Variants in CHAF1A observed in about 807,000 individuals in gnomAD.
The protein encoded by CHAF1A is CAF-1 subunit A.
Under a neutral mutation model 93.2 loss-of-function variants are expected in CHAF1A, and 5 were observed. The observed-to-expected ratio is 0.05, with a 90% CI of 0.03 to 0.11. The LOEUF is 0.11. Ranked by LOEUF, CHAF1A falls within the 10% of genes least tolerant of loss-of-function variation. The pLI, the probability that CHAF1A is intolerant of heterozygous loss-of-function variation, is 1.00. For missense variants in CHAF1A, 1,102 were observed against 1,259.9 expected (o/e 0.87, Z 1.90); for synonymous variants, 504 against 510.3 (o/e 0.99, Z 0.17).
At chr19:4,432,277 G>A in intron 12 of CHAF1A, 70 bp downstream of exon 12, 1 of 1,501,880 alleles carries the variant, frequency 6.7e-7, no homozygotes, top group Non-Finnish European at 8.9e-7. Flanking sequence ...GAGGGCAAGA[G>A]TCACAGGCTA....
intron 1 of CHAF1A, 105 bp downstream of exon 1, chr19:4,402,919 C>T: frequency 1.5e-6 from 1 of 686,248 alleles, no homozygotes; most frequent in Non-Finnish European, 2.0e-6. Flanking sequence ...CAAGCCTGGT[C>T]CTGCGGGCCG....
intron 2 of CHAF1A, among the ~76,000 whole-genome samples, chr19:4,407,078 G>A (rs1317418082): frequency 1.3e-5 from 2 of 151,912 alleles, no homozygotes; most frequent in Non-Finnish European, 2.9e-5. Flanking sequence ...AAATAGCTGG[G>A]CATGGTAGGG....
At chr19:4,420,619 C>T (rs953447722) in intron 4 of CHAF1A, among the ~76,000 whole-genome samples, 2 of 152,134 alleles carry the variant, frequency 1.3e-5, no homozygotes, top group Admixed American at 6.6e-5. Context: ...GAATGAGGAA[C>T]GTAGTGATGA....
intron 7 of CHAF1A, 55 bp from the exon 8 acceptor site, chr19:4,428,609 G>A: frequency 6.8e-7 from 1 of 1,474,134 alleles, no homozygotes; most frequent in East Asian, 2.3e-5. Context: ...TGCGTCCATG[G>A]TGCCTCCTTT....
chr19:4,403,646 C>T (rs554461996), intron 1 of CHAF1A, among the ~76,000 whole-genome samples: 37 of 152,376 alleles, frequency 2.4e-4, no homozygotes, highest in African/African-American at 8.4e-4. Flanking sequence ...TGGCCTCCGC[C>T]TTTTGCAGGC....
chr19:4,409,843 T>C, intron 3 of CHAF1A, 84 bp downstream of exon 3: 1 of 1,491,092 alleles, frequency 6.7e-7, no homozygotes, highest in South Asian at 1.3e-5. Context: ...ACCCAGGTGT[T>C]TTGTGGCAGA....
Position 4,402,673 on chromosome 19 carries a change from C to G in CHAF1A, c.-90C>G. The stretch of plus-strand genomic sequence containing the variant: ...AGCGCGGCGGCCGCGGCGGCAGCAG[C>G]GGCGCGGGCGGGAGGGCGAAGAGCA... On this transcript the variant is annotated 5_prime_UTR_variant, in exon 1 of 15. Transcript: ENST00000301280. The G allele has an allele frequency of 3.4e-6, 3 of 871,708 alleles. No individual in the cohort carries two copies. Among genetic ancestry groups the G allele is most frequent in the Non-Finnish European group, 4.4e-6 (3 of 674,234 alleles). 54.0% of individuals were successfully genotyped at this position (871,708 alleles called of 1,614,324 possible). A position where few individuals can be genotyped will look rare whatever the true frequency, so the allele number is the denominator to read the frequency against.
At position 4,422,580 on chromosome 19, in the gene CHAF1A, G is replaced by GGGCAAGCAGCTC; in HGVS notation, c.1033_1044dup (p.Gly345_Leu348dup). On this transcript the variant is annotated inframe_insertion, in exon 5 of 15. Coordinates refer to ENST00000301280, the MANE Select transcript of CHAF1A (RefSeq NM_005483.3). This position sits in a 1 kb window ranked among gnomAD's most constrained non-coding sequence, Gnocchi z 4.6. ...CTGTCTTGTAGGATCAGGAGCGTCTGGGCAAGCAGCTCAAGTTACGTGCAG... is the reference window on the plus strand; with the variant it reads ...CTGTCTTGTAGGATCAGGAGCGTCTGGGCAAGCAGCTCGGCAAGCAGCTCAAGTTACGTGCAG... The GGGCAAGCAGCTC allele has an allele frequency of 6.4e-7, 1 of 1,567,810 alleles. No individual in the cohort carries two copies. The highest frequency in any genetic ancestry group is 8.6e-7 in the Non-Finnish European group (1 of 1,156,298).
Position 4,409,646 on chromosome 19 carries a change from A to G in CHAF1A, c.847A>G (p.Ser283Gly). The G allele has an allele frequency of 6.2e-7, 1 of 1,614,142 alleles. No individual in the cohort carries two copies. The highest frequency in any genetic ancestry group is 1.1e-5 in the South Asian group (1 of 91,074). Residue 283 changes from serine (S) to glycine (G), a missense_variant, in exon 3 of 15, where the codon AGC becomes GGC. Coordinates refer to ENST00000301280, the MANE Select transcript of CHAF1A (RefSeq NM_005483.3). ...ESFPEEDSVL[S>G]HSSLSSPSST... ...TTTCCCCGAAGAAGACTCTGTACTC[A>G]GCCATTCGTCCCTGAGCTCTCCCTC... is the stretch of plus-strand genomic sequence containing the variant.
chr19:4,446,378 G>T, downstream of CHAF1A: 1 of 1,576,762 alleles, frequency 6.3e-7, no homozygotes. Flanking sequence ...CATGGCCTTG[G>T]TCCGCAGCAC....
chr19:4,441,540 G>A (rs1407001124), intron 13 of CHAF1A, among the ~76,000 whole-genome samples: 2 of 151,520 alleles, frequency 1.3e-5, no homozygotes, highest in Non-Finnish European at 2.9e-5. Flanking sequence ...CCCGGGTGGC[G>A]GAGGTTGCAG....
chr19:4,442,773 C>A, intron 14 of CHAF1A, 152 bp from the exon 15 acceptor site: 1 of 607,426 alleles, frequency 1.6e-6, no homozygotes, highest in Non-Finnish European at 2.9e-6. Flanking sequence ...CTAGAAGAGG[C>A]ACAACGCCCC....
At chr19:4,420,677 C>T (rs915542888) in intron 4 of CHAF1A, among the ~76,000 whole-genome samples, 4 of 152,126 alleles carry the variant, frequency 2.6e-5, no homozygotes, top group African/African-American at 4.8e-5. Context: ...CGTAGTGGCT[C>T]GCCCCCATAA....
chr19:4,411,031 A>G (rs1973788284), intron 3 of CHAF1A, among the ~76,000 whole-genome samples: 1 of 152,166 alleles, frequency 6.6e-6, no homozygotes, highest in South Asian at 2.1e-4. Flanking sequence ...TATCTTAAGT[A>G]TGTAGAACCA....
rs1319816591 is a variant in CHAF1A at position 4,433,488 on chromosome 19, G to A, written c.2622G>A (p.Ala874=). 18 of 1,595,840 alleles carry A rather than the reference G, an allele frequency of 1.1e-5. No individual in the cohort carries two copies. The highest frequency in any genetic ancestry group is 3.3e-5 in the South Asian group (3 of 90,698). Residue 874 remains alanine (A), a synonymous_variant, in exon 13 of 15, where the codon GCG becomes GCA. Coordinates refer to ENST00000301280, the MANE Select transcript of CHAF1A (RefSeq NM_005483.3). This position sits in a 1 kb window ranked among gnomAD's most constrained non-coding sequence, Gnocchi z 5.6. ...GTPISLKRKS[A]GSMCITQFMK... The stretch of plus-strand genomic sequence containing the variant: ...CCATCTCGCTGAAGAGGAAGTCAGC[G>A]GGCAGCATGTGCATCACCCAATTCA...
chr19:4,418,247 G>T (rs888581161), intron 4 of CHAF1A, among the ~76,000 whole-genome samples, 171 bp downstream of exon 4: 6 of 152,114 alleles, frequency 3.9e-5, no homozygotes, highest in Non-Finnish European at 5.9e-5. Context: ...ATGGTTTGTG[G>T]ATTGTGTCAT....
At chr19:4,408,057 A>G (rs388622) in intron 2 of CHAF1A, among the ~76,000 whole-genome samples, 78,351 of 150,324 alleles carry the variant, frequency 0.52, 20,915 homozygotes, top group Admixed American at 0.7. Context: ...CCCAGGCTGC[A>G]GAGTAGTTGC....
In CHAF1A at chr19:4,409,506, A is replaced by T; in HGVS notation, c.707A>T (p.Lys236Met). The T allele has an allele frequency of 6.2e-7, 1 of 1,614,150 alleles. No individual in the cohort carries two copies. The highest frequency in any genetic ancestry group is 8.5e-7 in the Non-Finnish European group (1 of 1,180,020). Reference sequence around the variant, plus strand: ...GCTGGGGGCATCCTGTTCAAAGGGAAGGTGCCTATGGTGGTCTTGCAGGAC... The same window carrying T: ...GCTGGGGGCATCCTGTTCAAAGGGATGGTGCCTATGGTGGTCTTGCAGGAC... ...SEAGGILFKG[K>M]VPMVVLQDIL... Residue 236 changes from lysine (K) to methionine (M), a missense_variant, in exon 3 of 15, where the codon AAG becomes ATG. Lys to Met is a moderately conservative substitution (Grantham distance 95). Around this residue, in one of 6 missense-constraint regions of CHAF1A, gnomAD observed 379 missense variants for 365.7 expected, o/e 1.04. Coordinates refer to ENST00000301280, the MANE Select transcript of CHAF1A (RefSeq NM_005483.3).
intron 7 of CHAF1A, among the ~76,000 whole-genome samples, chr19:4,426,331 C>G (rs1345769962): frequency 6.6e-6 from 1 of 151,838 alleles, no homozygotes; most frequent in African/African-American, 2.4e-5. Context: ...CCATGCCCCG[C>G]TAATTTTTTG....
Sources: allele counts gnomAD v4.1 joint callset (sites outside exome capture counted in the v4.1 genomes callset), GRCh38; gene constraint gnomAD v4.1.1; regional missense constraint gnomAD v4.1.1; non-coding constraint Gnocchi (gnomAD v3.1); transcripts MANE v1.5; gene names NCBI Gene and HGNC (gene_info 2026-07-23, HGNC 2026-07-21).